FER1L6: variants seen among roughly 807,000 people sequenced by gnomAD.
FER1L6 encodes the protein fer-1 like family member 6, also known as fer-1-like protein 6.
Under a neutral mutation model 219.2 loss-of-function variants are expected in FER1L6, and 177 were observed. The ratio of observed to expected loss-of-function variants is 0.81; its 90% CI spans 0.71 to 0.91. FER1L6 has a LOEUF of 0.91. FER1L6 is among the 40% of genes least tolerant of loss of function. The probability of loss-of-function intolerance (pLI) is 0.00; values close to 1 mark genes in which losing one functional copy is unlikely to be tolerated. For missense variants in FER1L6, 2,153 were observed against 2,259.9 expected (o/e 0.95, Z 0.96); for synonymous variants, 768 against 824.3 (o/e 0.93, Z 1.17).
rs1188450408 is a variant in FER1L6, at chr8:124,060,075, T to A, written c.2875-105T>A. ...TGTATTTTAAGCTGGAAACATTACTTTTGTTGGCAAAACAGTGAACATCTT... is the reference window on the plus strand; with the variant it reads ...TGTATTTTAAGCTGGAAACATTACTATTGTTGGCAAAACAGTGAACATCTT... On this transcript the variant is annotated intron_variant, in intron 22 of 40. Transcript: ENST00000522917. The A allele has an allele frequency of 7.5e-6, 6 of 799,872 alleles. No individual in the cohort carries two copies. In the Admixed American group the frequency reaches 1.2e-4, roughly 16 times the overall value. The allele number at this position is 799,872 out of a possible 1,614,324, so 49.5% of individuals were successfully genotyped here.
chr8:124,035,151 G>A lies in FER1L6; in HGVS notation c.2287-126G>A. ...TTGTCTTTATTTTGATTTAAGAGGA[G>A]CTCTTGAGAACTGCTCTCTGAACAT... On this transcript the variant is annotated intron_variant, in intron 18 of 40. Transcript: ENST00000522917. 5 of 940,608 alleles carry A rather than the reference G, an allele frequency of 5.3e-6. No homozygotes were observed. In the South Asian group the frequency reaches 9.1e-5, roughly 17 times the overall value. The allele number at this position is 940,608 out of a possible 1,614,324, so 58.3% of individuals were successfully genotyped here. A position where few individuals can be genotyped will look rare whatever the true frequency, so the allele number is the denominator to read the frequency against.
At chr8:123,907,397 A>G (rs1812973451) in intron 1 of FER1L6, among the ~76,000 whole-genome samples, 1 of 152,066 alleles carries the variant, frequency 6.6e-6, no homozygotes. Flanking sequence ...GGCCCATGCC[A>G]TGCTTCCTTA....
intron 1 of FER1L6, among the ~76,000 whole-genome samples, chr8:123,906,853 A>AC (rs539544458): frequency 4.0e-5 from 6 of 151,448 alleles, no homozygotes; most frequent in Non-Finnish European, 8.8e-5. Context: ...AGACCTTTTA[A>AC]CCCCCCCTTT....
chr8:124,070,415 C>G, intron 29 of FER1L6, 52 bp from the exon 30 acceptor site: 1 of 1,595,344 alleles, frequency 6.3e-7, no homozygotes, highest in Non-Finnish European at 8.5e-7. Context: ...CTCATTAAAT[C>G]AATCCTGGGC....
Position 124,003,221 on chromosome 8 carries a change from C to G in FER1L6, c.1574C>G (p.Ala525Gly), listed in dbSNP as rs893159235. ...GGSHHGSKKS[A>G]ESAEEDLLPL... ...TCCCATCATGGGAGTAAGAAGTCAG[C>G]TGAATCAGCTGAAGAAGACCTCCTT... Residue 525 changes from alanine to glycine, a missense_variant, in exon 13 of 41, where the codon GCT becomes GGT. Physicochemically the swap from Ala to Gly is moderately conservative, Grantham distance 60 (BLOSUM62 0). Transcript: ENST00000522917. The G allele has an allele frequency of 6.2e-7, 1 of 1,614,086 alleles. No homozygotes were observed. The highest frequency in any genetic ancestry group is 8.5e-7 in the Non-Finnish European group (1 of 1,179,996).
At chr8:123,969,510 T>A (rs1458474408) in intron 5 of FER1L6, among the ~76,000 whole-genome samples, 1 of 152,188 alleles carries the variant, frequency 6.6e-6, no homozygotes, top group Non-Finnish European at 1.5e-5. Context: ...GAATATAAAA[T>A]TCCCATTTGG....
chr8:123,951,385 A>C (rs1814758750), intron 1 of FER1L6, among the ~76,000 whole-genome samples: 1 of 152,240 alleles, frequency 6.6e-6, no homozygotes, highest in African/African-American at 2.4e-5. Flanking sequence ...TAAGAAAATC[A>C]TGGAGAGAGA....
intron 1 of FER1L6, among the ~76,000 whole-genome samples, chr8:123,887,019 G>T (rs1817215083): frequency 6.6e-6 from 1 of 152,050 alleles, no homozygotes; most frequent in Non-Finnish European, 1.5e-5. Context: ...CCTCTCAAAA[G>T]GTATCAAAGA....
At chr8:123,936,764 G>C (rs1047089434) in intron 1 of FER1L6, among the ~76,000 whole-genome samples, 1 of 151,994 alleles carries the variant, frequency 6.6e-6, no homozygotes, top group Non-Finnish European at 1.5e-5. Flanking sequence ...AGCAGTTCTC[G>C]AGGGAGCCAC....
chr8:124,025,167 G>A (rs1437465989), intron 18 of FER1L6, among the ~76,000 whole-genome samples: 1 of 152,030 alleles, frequency 6.6e-6, no homozygotes, highest in African/African-American at 2.4e-5. Flanking sequence ...TTACTCTGAT[G>A]ATTCTTTGGC....
chr8:124,008,919 CTCAAAATGCACAAATGA>C (rs141836628), intron 13 of FER1L6, among the ~76,000 whole-genome samples: 4,975 of 151,100 alleles, frequency 0.033, 179 homozygotes, highest in East Asian at 0.11. Flanking sequence ...AACCACAATG[CTCAAAATGCACAAATGA>C]TCAAAATGCA....
chr8:123,999,949 C>T (rs1002241036), intron 12 of FER1L6, among the ~76,000 whole-genome samples: 6 of 152,168 alleles, frequency 3.9e-5, no homozygotes, highest in African/African-American at 1.4e-4. Context: ...AGCATAGCAC[C>T]AGGACTTTTC....
chr8:123,873,239 G>C (rs1816952559), intron 1 of FER1L6, among the ~76,000 whole-genome samples: 1 of 152,168 alleles, frequency 6.6e-6, no homozygotes, highest in Non-Finnish European at 1.5e-5. Context: ...ATTCCTTCTT[G>C]CCTGGACTCT....
At chr8:123,858,615 G>C (rs1816690386) in intron 1 of FER1L6, among the ~76,000 whole-genome samples, 1 of 152,176 alleles carries the variant, frequency 6.6e-6, no homozygotes, top group Non-Finnish European at 1.5e-5. Context: ...TCCAGACATG[G>C]GCATGGCATC....
chr8:123,986,230 T>C (rs1209214793), intron 12 of FER1L6, 54 bp downstream of exon 12: 25 of 1,112,810 alleles, frequency 2.2e-5, no homozygotes, highest in Non-Finnish European at 3.0e-5. Flanking sequence ...AGTATCTATT[T>C]CTTGAATAAA....
intron 33 of FER1L6, among the ~76,000 whole-genome samples, chr8:124,083,452 GT>G (rs1440154331): frequency 6.6e-6 from 1 of 152,062 alleles, no homozygotes; most frequent in African/African-American, 2.4e-5. Context: ...TGGATATCCA[GT>G]TTTCCCAGCA....
chr8:124,048,716 T>C (rs1020550990), intron 21 of FER1L6, among the ~76,000 whole-genome samples: 3 of 152,228 alleles, frequency 2.0e-5, no homozygotes, highest in South Asian at 2.1e-4. Flanking sequence ...CTCATGATCC[T>C]ATGGAAAGGT....
chr8:123,921,181 C>T (rs1416239046), intron 1 of FER1L6, among the ~76,000 whole-genome samples: 2 of 152,128 alleles, frequency 1.3e-5, no homozygotes, highest in East Asian at 3.8e-4. Context: ...ATTCTGCTTT[C>T]TATTCTTTTG....
chr8:123,978,135 C>T (rs541833641), intron 10 of FER1L6, among the ~76,000 whole-genome samples: 22 of 152,234 alleles, frequency 1.4e-4, no homozygotes, highest in Non-Finnish European at 2.5e-4. Flanking sequence ...CTCCTGGTCC[C>T]GGGTCTTCCA....
Sources: allele counts gnomAD v4.1 joint callset (sites outside exome capture counted in the v4.1 genomes callset), GRCh38; gene constraint gnomAD v4.1.1; transcripts MANE v1.5; gene names NCBI Gene and HGNC (gene_info 2026-07-23, HGNC 2026-07-21).